The following CMIP variants were observed in gnomAD, a reference collection of about 807,000 sequenced individuals.
CMIP encodes the protein c-Maf inducing protein, also known as C-Maf-inducing protein.
A neutral mutation model predicts 97.3 loss-of-function variants in CMIP; 13 were observed. That is an observed-to-expected ratio of 0.13 (90% CI 0.09 to 0.21). The LOEUF is 0.21. Among genes scored for constraint, CMIP ranks in the 10% least tolerant of loss-of-function variants. The probability of loss-of-function intolerance (pLI) is 1.00; values close to 1 mark genes in which losing one functional copy is unlikely to be tolerated. For missense variants in CMIP, 847 were observed against 1,024.9 expected (o/e 0.83, Z 2.37); for synonymous variants, 538 against 436.3 (o/e 1.23, Z -2.91).
chr16:81,653,822 A>G (rs1053628585), intron 4 of CMIP, among the ~76,000 whole-genome samples: 1 of 152,236 alleles, frequency 6.6e-6, no homozygotes, highest in Non-Finnish European at 1.5e-5. Flanking sequence ...CGTGTTGGCC[A>G]GGCTGGTCTT....
intron 1 of CMIP, among the ~76,000 whole-genome samples, chr16:81,507,765 G>A (rs915542519): frequency 5.9e-5 from 9 of 152,154 alleles, no homozygotes; most frequent in African/African-American, 1.7e-4. Context: ...TCCTGGTTGG[G>A]GTGGCCGCAG....
rs1043089943 is a variant in CMIP, at chr16:81,655,799, A to G, written c.640-1976A>G. On this transcript the variant is annotated intron_variant, in intron 4 of 20. Coordinates refer to ENST00000537098, the MANE Select transcript of CMIP (RefSeq NM_198390.3). The surrounding 1 kb of genome is among the most constrained non-coding windows in gnomAD (Gnocchi z 4.9). ...GGTTCATATCCTCACTGCAGCCCCT[A>G]TTACCCTGCGCCTGCTAGTCACTGC... 1.3e-5 allele frequency among the ~76,000 whole-genome samples: 2 copies of G among 152,246 alleles called. No individual in the cohort carries two copies. Among genetic ancestry groups the G allele is most frequent in the South Asian group, 2.1e-4 (1 of 4,816 alleles).
At chr16:81,471,716 T>C (rs1397274721) in intron 1 of CMIP, among the ~76,000 whole-genome samples, 3 of 152,154 alleles carry the variant, frequency 2.0e-5, no homozygotes, top group African/African-American at 7.2e-5. Flanking sequence ...TACATACTGG[T>C]GATAAAGTTT....
intron 18 of CMIP, 26 bp downstream of exon 18, chr16:81,704,111 C>G (rs1907746740): frequency 6.3e-7 from 1 of 1,587,264 alleles, no homozygotes; most frequent in Non-Finnish European, 8.6e-7. Flanking sequence ...CTGCTGCAGT[C>G]CCCCACACCC....
At chr16:81,498,835 A>G (rs1022384635) in intron 1 of CMIP, among the ~76,000 whole-genome samples, 9 of 152,126 alleles carry the variant, frequency 5.9e-5, no homozygotes, top group African/African-American at 2.4e-5. Flanking sequence ...GCGTGTGCAC[A>G]CAGTCCCAGT....
chr16:81,685,870 C>T lies in CMIP; in HGVS notation c.1389-5905C>T, dbSNP rs562228339. Among the ~76,000 whole-genome samples, 16 of 152,260 alleles carry T rather than the reference C, an allele frequency of 1.1e-4. No individual in the cohort carries two copies. The South Asian group carries it at 3.3e-3, about 32-fold the overall frequency. ...TGAGCCACCATGTGCCCACCAGTGT[C>T]CTTGTGATATAGGGAGATCGTCTTC... On this transcript the variant is annotated intron_variant, in intron 10 of 20. Transcript: ENST00000537098.
intron 10 of CMIP, among the ~76,000 whole-genome samples, chr16:81,681,017 C>T (rs1292750587): frequency 6.6e-6 from 1 of 152,230 alleles, no homozygotes; most frequent in African/African-American, 2.4e-5. Flanking sequence ...AGACCCCCTG[C>T]CTGCCCGCAT....
In CMIP at chr16:81,544,617, GGTGCATGT is replaced by G. The variant is rs568408595; in HGVS notation, c.301-62938_301-62931del. On this transcript the variant is annotated intron_variant, in intron 1 of 20. Transcript: ENST00000537098. ...TGCAGGGTGCCAGGACCACCACAGG[GGTGCATGT>G]GTGCATGTGTGTGTGCCTGTGTGTG... Among the ~76,000 whole-genome samples, 9 of 151,488 alleles carry G rather than the reference GGTGCATGT, an allele frequency of 5.9e-5. No individual in the cohort carries two copies. In the East Asian group the frequency reaches 1.8e-3, roughly 30 times the overall value.
chr16:81,692,804 C>T (rs1010824851), intron 11 of CMIP, among the ~76,000 whole-genome samples: 14 of 152,188 alleles, frequency 9.2e-5, no homozygotes, highest in Admixed American at 2.0e-4. Context: ...TAATGAGTGC[C>T]GCCCGCCTTA....
intron 1 of CMIP, among the ~76,000 whole-genome samples, chr16:81,604,877 G>A (rs549651890): frequency 5.3e-5 from 8 of 152,256 alleles, no homozygotes; most frequent in African/African-American, 9.6e-5. Flanking sequence ...GTTAAAACAC[G>A]GATGAAAGTT....
intron 20 of CMIP, among the ~76,000 whole-genome samples, chr16:81,707,985 G>A (rs1469093316): frequency 2.0e-5 from 3 of 152,264 alleles, no homozygotes; most frequent in Non-Finnish European, 4.4e-5. Flanking sequence ...TGCCGCCAGG[G>A]CGTGCTCACT....
chr16:81,531,814 T>A (rs1335178969), intron 1 of CMIP, among the ~76,000 whole-genome samples: 1 of 152,236 alleles, frequency 6.6e-6, no homozygotes, highest in Non-Finnish European at 1.5e-5. Context: ...CAGAAGATGA[T>A]TGACTAAGAA....
At chr16:81,522,345 C>G (rs1373717311) in intron 1 of CMIP, among the ~76,000 whole-genome samples, 7 of 152,170 alleles carry the variant, frequency 4.6e-5, no homozygotes, top group African/African-American at 1.7e-4. Context: ...TCCACTGAAG[C>G]ACACCCAGAG....
At chr16:81,587,905 C>A (rs939916049) in intron 1 of CMIP, among the ~76,000 whole-genome samples, 3 of 152,230 alleles carry the variant, frequency 2.0e-5, no homozygotes, top group Non-Finnish European at 2.9e-5. Context: ...ATGAGTCAAG[C>A]TCCCTTGTCA....
At chr16:81,489,177 G>A (rs2089367004) in intron 1 of CMIP, among the ~76,000 whole-genome samples, 1 of 152,242 alleles carries the variant, frequency 6.6e-6, no homozygotes, top group Non-Finnish European at 1.5e-5. Flanking sequence ...CATGAGGAAA[G>A]GCGGGCAAGG....
chr16:81,607,208 GAGA>G (rs1339018349), intron 1 of CMIP, among the ~76,000 whole-genome samples: 1 of 152,240 alleles, frequency 6.6e-6, no homozygotes, highest in African/African-American at 2.4e-5. Flanking sequence ...TTCTGGGCAG[GAGA>G]AGGTGGTGGC....
chr16:81,670,007 G>A (rs570694418), intron 7 of CMIP, 135 bp from the exon 8 acceptor site: 48 of 736,006 alleles, frequency 6.5e-5, no homozygotes, highest in African/African-American at 1.4e-4. Context: ...CAGAGGGTTG[G>A]TGTCTCCCCA....
At chr16:81,646,099 G>T (rs535359090) in intron 3 of CMIP, among the ~76,000 whole-genome samples, 16 of 152,108 alleles carry the variant, frequency 1.1e-4, no homozygotes, top group African/African-American at 3.4e-4. Context: ...GGTGATGAAT[G>T]GATGATGAGG....
intron 1 of CMIP, among the ~76,000 whole-genome samples, chr16:81,562,694 C>G (rs745561543): frequency 6.6e-6 from 1 of 152,286 alleles, no homozygotes; most frequent in Non-Finnish European, 1.5e-5. Context: ...GGGTGGTTCA[C>G]TCATCTGTCC....
Sources: gnomAD v4.1 joint callset for allele counts (sites outside exome capture counted in the v4.1 genomes callset) on GRCh38, gnomAD v4.1.1 for gene constraint, Gnocchi (gnomAD v3.1) non-coding constraint, MANE v1.5 for transcripts, NCBI Gene and HGNC (gene_info 2026-07-23, HGNC 2026-07-21) for gene names.